The following PALS1 variants were observed in gnomAD, a reference collection of about 807,000 sequenced individuals.
PALS1 encodes the protein protein PALS1.
Under a neutral mutation model 78.9 loss-of-function variants are expected in PALS1, and 31 were observed. That is an observed-to-expected ratio of 0.39 (90% CI 0.30 to 0.53). PALS1 has a LOEUF of 0.53. Ranked by LOEUF, PALS1 falls within the 20% of genes least tolerant of loss-of-function variation. The pLI is 0.67. For missense variants in PALS1, 704 were observed against 826.5 expected (o/e 0.85, Z 1.82); for synonymous variants, 276 against 270.9 (o/e 1.02, Z -0.18).
At chr14:67,308,396 T>C (rs1595604286) in intron 8 of PALS1, among the ~76,000 whole-genome samples, 1 of 151,840 alleles carries the variant, frequency 6.6e-6, no homozygotes, top group East Asian at 1.9e-4. Flanking sequence ...GTACTAACCT[T>C]TCCATTAAGC....
intron 9 of PALS1, among the ~76,000 whole-genome samples, chr14:67,315,268 A>ATTTTT (rs531037352): frequency 3.0e-5 from 3 of 101,590 alleles, no homozygotes; most frequent in African/African-American, 4.5e-5. Flanking sequence ...CTTATTTTTA[A>ATTTTT]TTTTTTTTTT....
intron 1 of PALS1, among the ~76,000 whole-genome samples, chr14:67,265,034 T>A (rs1053346394): frequency 6.6e-6 from 1 of 152,236 alleles, no homozygotes; most frequent in Non-Finnish European, 1.5e-5. Context: ...GGTTTTTACT[T>A]TGAAGATTTT....
chr14:67,301,894 T>C (rs1387922268), intron 5 of PALS1, 78 bp from the exon 6 acceptor site: 1 of 1,423,760 alleles, frequency 7.0e-7, no homozygotes, highest in Non-Finnish European at 9.4e-7. Flanking sequence ...GTCAGAATAC[T>C]ATGTACATAG....
chr14:67,242,138 T>A (rs1025710202), intron 1 of PALS1, among the ~76,000 whole-genome samples: 1 of 152,208 alleles, frequency 6.6e-6, no homozygotes, highest in Non-Finnish European at 1.5e-5. Flanking sequence ...AACCTACGTT[T>A]AATGAAGTTT....
intron 3 of PALS1, among the ~76,000 whole-genome samples, chr14:67,284,568 A>AAAAT (rs2084654660): frequency 7.1e-6 from 1 of 140,060 alleles, no homozygotes; most frequent in Non-Finnish European, 1.6e-5. Context: ...AAAAAAAAAA[A>AAAAT]AAAAAAAAAA....
In PALS1 at chr14:67,324,571, G is replaced by T. The variant is rs756748841; in HGVS notation, c.1851+759G>T. Among the ~76,000 whole-genome samples, 179 of 145,488 alleles carry T rather than the reference G, an allele frequency of 1.2e-3. 1 individual carries two copies. Among genetic ancestry groups the T allele is most frequent in the African/African-American group, 3.8e-3 (134 of 35,684 alleles). On this transcript the variant is annotated intron_variant, in intron 14 of 14. Coordinates refer to ENST00000261681, the MANE Select transcript of PALS1 (RefSeq NM_022474.4). ...CTCCTTTCTTTTGATTGTTTTTTTT[G>T]TTGTTGTTGTTGTTTTGGTCGTTGC...
chr14:67,314,331 T>C (rs962478424), intron 9 of PALS1, among the ~76,000 whole-genome samples: 2 of 152,248 alleles, frequency 1.3e-5, no homozygotes, highest in African/African-American at 4.8e-5. Flanking sequence ...GAGACTTTTC[T>C]GGGTACAAGA....
At chr14:67,305,619 G>T (rs1245609997) in intron 8 of PALS1, among the ~76,000 whole-genome samples, 3 of 152,156 alleles carry the variant, frequency 2.0e-5, no homozygotes, top group African/African-American at 4.8e-5. Flanking sequence ...TGCTATTCAT[G>T]CAGAATCTGG....
At chr14:67,275,314 G>A (rs1208071663) in intron 2 of PALS1, among the ~76,000 whole-genome samples, 1 of 152,144 alleles carries the variant, frequency 6.6e-6, no homozygotes, top group African/African-American at 2.4e-5. Context: ...AGTTTATTGA[G>A]AGTTTTTAGC....
intron 1 of PALS1, among the ~76,000 whole-genome samples, chr14:67,243,697 C>T (rs982976970): frequency 6.6e-6 from 1 of 150,836 alleles, no homozygotes; most frequent in Non-Finnish European, 1.5e-5. Flanking sequence ...GGGTTTTCAC[C>T]GTGTTAGCCA....
chr14:67,258,642 G>A (rs1325258526), intron 1 of PALS1, among the ~76,000 whole-genome samples: 1 of 152,100 alleles, frequency 6.6e-6, no homozygotes, highest in Non-Finnish European at 1.5e-5. Flanking sequence ...GGCCGGTCTT[G>A]AACTCCTGGA....
At chr14:67,329,030 T>G (rs2141043633) in intron 14 of PALS1, among the ~76,000 whole-genome samples, 1 of 152,334 alleles carries the variant, frequency 6.6e-6, no homozygotes, top group Middle Eastern at 3.4e-3. Context: ...CATTGGTAGC[T>G]TGATGGGGAT....
At chr14:67,314,786 A>AT (rs1263567897) in intron 9 of PALS1, among the ~76,000 whole-genome samples, 6 of 152,172 alleles carry the variant, frequency 3.9e-5, no homozygotes, top group Non-Finnish European at 7.4e-5. Context: ...AATTAGACAG[A>AT]TTTTTTTAAG....
chr14:67,304,506 TGAA>T (rs2084973765), intron 8 of PALS1, among the ~76,000 whole-genome samples: 1 of 152,150 alleles, frequency 6.6e-6, no homozygotes, highest in South Asian at 2.1e-4. Context: ...GGATGAACCT[TGAA>T]GAAATTATGC....
At chr14:67,282,901 G>T (rs540027789) in intron 3 of PALS1, among the ~76,000 whole-genome samples, 2 of 152,170 alleles carry the variant, frequency 1.3e-5, no homozygotes, top group South Asian at 4.1e-4. Flanking sequence ...AGATTTCACT[G>T]TTTTTGTGTT....
Position 67,241,483 on chromosome 14 carries a change from A to T in PALS1, c.-287A>T, listed in dbSNP as rs2083902468. ...GCCGCCGGAGGGCTGTCGCTTCTGC[A>T]GTGCGTAGGAGCGGCCGGGGCGGGA... On this transcript the variant is annotated 5_prime_UTR_variant, in exon 1 of 15. Coordinates refer to ENST00000261681, the MANE Select transcript of PALS1 (RefSeq NM_022474.4). 6.6e-6 allele frequency: 1 copy of T among 152,042 alleles called. No individual in the cohort carries two copies. Among genetic ancestry groups the T allele is most frequent in the African/African-American group, 2.4e-5 (1 of 41,126 alleles). 9.4% of individuals were successfully genotyped at this position (152,042 alleles called of 1,614,324 possible). A position where few individuals can be genotyped will look rare whatever the true frequency, so the allele number is the denominator to read the frequency against.
chr14:67,248,857 AC>A (rs2084023321), intron 1 of PALS1, among the ~76,000 whole-genome samples: 2 of 152,164 alleles, frequency 1.3e-5, no homozygotes, highest in Non-Finnish European at 2.9e-5. Context: ...ATGGGGTCTC[AC>A]TGTGTTGCTC....
chr14:67,254,031 C>A (rs1256141454), intron 1 of PALS1, among the ~76,000 whole-genome samples: 9 of 141,610 alleles, frequency 6.4e-5, no homozygotes, highest in South Asian at 4.7e-4. Flanking sequence ...TTCATCCCCC[C>A]CCCCTTACAA....
Position 67,334,388 on chromosome 14 carries a change from C to CTTGA in PALS1, c.*1435_*1438dup, listed in dbSNP as rs1396019548. 5.2e-5 allele frequency: 8 copies of CTTGA among 152,532 alleles called. No homozygotes were observed. The highest frequency in any genetic ancestry group is 4.6e-4 in the Admixed American group (7 of 15,262). The allele number at this position is 152,532 out of a possible 1,614,324, so 9.4% of individuals were successfully genotyped here. The stretch of plus-strand genomic sequence containing the variant: ...AACAAACAACCTCAAATGTGAATGC[C>CTTGA]TTGATTTTATTTTTATGGTGACTTT... On this transcript the variant is annotated 3_prime_UTR_variant, in exon 15 of 15. Transcript: ENST00000261681.
Sources: gnomAD v4.1 joint callset for allele counts (sites outside exome capture counted in the v4.1 genomes callset) on GRCh38, gnomAD v4.1.1 for gene constraint, MANE v1.5 for transcripts, NCBI Gene and HGNC (gene_info 2026-07-23, HGNC 2026-07-21) for gene names.